SLCO5A1: variants seen among roughly 807,000 people sequenced by gnomAD.
The protein encoded by SLCO5A1 is organic anion transporter polypeptide-related protein 4.
A neutral mutation model predicts 65.1 loss-of-function variants in SLCO5A1; 39 were observed. The observed-to-expected ratio is 0.60, with a 90% confidence interval of 0.46 to 0.78. The LOEUF is 0.78. Ranked by LOEUF, SLCO5A1 falls within the 30% of genes least tolerant of loss-of-function variation. The pLI, the probability that SLCO5A1 is intolerant of heterozygous loss-of-function variation, is 0.00. For missense variants in SLCO5A1, 1,029 were observed against 1,069.4 expected (o/e 0.96, Z 0.53); for synonymous variants, 438 against 415.7 (o/e 1.05, Z -0.65).
chr8:69,722,776 GGTGTGTGTGT>G (rs56353428), intron 5 of SLCO5A1, among the ~76,000 whole-genome samples: 1 of 148,036 alleles, frequency 6.8e-6, no homozygotes, highest in Admixed American at 6.8e-5. Flanking sequence ...ACACATGCAT[GGTGTGTGTGT>G]GTGTGTGTGT....
intron 3 of SLCO5A1, 61 bp from the exon 4 acceptor site, chr8:69,755,702 T>C: frequency 6.9e-7 from 1 of 1,446,646 alleles, no homozygotes; most frequent in Non-Finnish European, 9.4e-7. Flanking sequence ...GAGAACAAAT[T>C]AGTAAAGCAG....
chr8:69,756,259 G>A (rs1451010795), intron 3 of SLCO5A1, among the ~76,000 whole-genome samples: 1 of 152,220 alleles, frequency 6.6e-6, no homozygotes, highest in South Asian at 2.1e-4. Flanking sequence ...ACAAAAATTA[G>A]CCAGGTGTGG....
rs1337053047 is a variant in SLCO5A1, at chr8:69,826,257, A to G, written c.907+5510T>C. 7.3e-3 allele frequency among the ~76,000 whole-genome samples: 1,108 copies of G among 151,946 alleles called. 16 individuals are homozygous for G. The highest frequency in any genetic ancestry group is 0.026 in the African/African-American group (1,060 of 41,498). On this transcript the variant is annotated intron_variant, in intron 2 of 9. Coordinates refer to ENST00000260126, the MANE Select transcript of SLCO5A1 (RefSeq NM_030958.3). ...TGTCTAAAACACCAAAAGCAATGGC[A>G]ACAAAAGACAAAATTGACAAATGGG...
At position 69,821,406 on chromosome 8, in the gene SLCO5A1, AAAGAAGAGGAAG is replaced by A. The variant is rs760373897; in HGVS notation, c.907+10349_907+10360del. On this transcript the variant is annotated intron_variant, in intron 2 of 9. Coordinates refer to ENST00000260126, the MANE Select transcript of SLCO5A1 (RefSeq NM_030958.3). ...AAATGAAGAAGAACAGGAAGAGGAT[AAAGAAGAGGAAG>A]AAGAAGAGGAAGAAGGAGGAGGAGG... is the stretch of plus-strand genomic sequence containing the variant. Among the ~76,000 whole-genome samples the A allele has an allele frequency of 7.2e-5, 11 of 151,734 alleles. No individual in the cohort carries two copies. The South Asian group carries it at 1.3e-3, about 17-fold the overall frequency.
intron 6 of SLCO5A1, among the ~76,000 whole-genome samples, chr8:69,699,427 A>G (rs566223640): frequency 6.6e-6 from 1 of 152,340 alleles, no homozygotes; most frequent in South Asian, 2.1e-4. Flanking sequence ...AGGAGCATCC[A>G]TCTCTTGAGG....
chr8:69,702,504 T>TACACAC (rs71257200), intron 6 of SLCO5A1, among the ~76,000 whole-genome samples: 7 of 148,896 alleles, frequency 4.7e-5, no homozygotes, highest in East Asian at 2.0e-4. Context: ...ACACACATCT[T>TACACAC]ACACACACAC....
chr8:69,715,337 A>G (rs964554513), intron 5 of SLCO5A1, among the ~76,000 whole-genome samples: 6 of 152,170 alleles, frequency 3.9e-5, no homozygotes, highest in Non-Finnish European at 7.4e-5. Context: ...GTTGGTATCA[A>G]TTTTCTGTAC....
intron 2 of SLCO5A1, among the ~76,000 whole-genome samples, chr8:69,813,197 T>TA (rs74909916): frequency 8.6e-4 from 128 of 148,038 alleles, no homozygotes; most frequent in East Asian, 1.4e-3. Context: ...GTTCTCTTTA[T>TA]AAAAAAAAAA....
chr8:69,833,038 C>T lies in SLCO5A1; in HGVS notation c.-365G>A, dbSNP rs1586850348. The T allele has an allele frequency of 1.1e-5, 3 of 281,400 alleles. No individual in the cohort carries two copies. The highest frequency in any genetic ancestry group is 1.9e-5 in the Non-Finnish European group (3 of 156,448). 17.4% of individuals were successfully genotyped at this position (281,400 alleles called of 1,614,324 possible). On this transcript the variant is annotated 5_prime_UTR_variant, in exon 2 of 10. Coordinates refer to ENST00000260126, the MANE Select transcript of SLCO5A1 (RefSeq NM_030958.3). Reference sequence around the variant, plus strand: ...CCGCCGCTGGGCCCGCGGCCAGGAGCGAGTGCACCCTGCGCCGGGGGTGGG... The same window carrying T: ...CCGCCGCTGGGCCCGCGGCCAGGAGTGAGTGCACCCTGCGCCGGGGGTGGG...
intron 2 of SLCO5A1, among the ~76,000 whole-genome samples, chr8:69,767,742 TAGTC>T (rs1818122977): frequency 6.6e-6 from 1 of 151,062 alleles, no homozygotes; most frequent in East Asian, 2.0e-4. Flanking sequence ...ATACAAAAAT[TAGTC>T]AGGCATGGCG....
chr8:69,784,811 A>AAG (rs1554620797), intron 2 of SLCO5A1, among the ~76,000 whole-genome samples: 48 of 70,946 alleles, frequency 6.8e-4, no homozygotes, highest in African/African-American at 3.3e-3. Flanking sequence ...GAAAGAAAGA[A>AAG]AAAGAAAGAA....
At chr8:69,689,180 G>A (rs2130796148) in intron 6 of SLCO5A1, among the ~76,000 whole-genome samples, 1 of 133,790 alleles carries the variant, frequency 7.5e-6, no homozygotes, top group Non-Finnish European at 1.6e-5. Flanking sequence ...CTTTTTGATG[G>A]GGTTGTTTGT....
At chr8:69,748,327 G>A (rs764336716) in intron 4 of SLCO5A1, among the ~76,000 whole-genome samples, 11 of 152,306 alleles carry the variant, frequency 7.2e-5, no homozygotes, top group Non-Finnish European at 1.6e-4. Flanking sequence ...CTAAGGAGAT[G>A]CTACTTTGAT....
intron 5 of SLCO5A1, among the ~76,000 whole-genome samples, chr8:69,733,618 A>C (rs1156952984): frequency 6.6e-6 from 1 of 152,124 alleles, no homozygotes; most frequent in Admixed American, 6.5e-5. Context: ...GTGGGAGGTG[A>C]TGTGATCGTG....
At chr8:69,765,919 T>C (rs1420070874) in intron 2 of SLCO5A1, among the ~76,000 whole-genome samples, 3 of 152,192 alleles carry the variant, frequency 2.0e-5, no homozygotes, top group Non-Finnish European at 4.4e-5. Flanking sequence ...TCAGAATCCC[T>C]GTAGACTCTT....
At chr8:69,763,710 T>A (rs554537297) in intron 2 of SLCO5A1, among the ~76,000 whole-genome samples, 1 of 150,600 alleles carries the variant, frequency 6.6e-6, no homozygotes, top group Non-Finnish European at 1.5e-5. Flanking sequence ...TATTTTTCAA[T>A]TTTCACTTTT....
intron 4 of SLCO5A1, among the ~76,000 whole-genome samples, chr8:69,751,931 ATAAAG>A (rs766397288): frequency 3.6e-4 from 55 of 152,272 alleles, no homozygotes; most frequent in African/African-American, 8.2e-4. Flanking sequence ...AATTTCAAAT[ATAAAG>A]TAAAGACCAA....
intron 2 of SLCO5A1, among the ~76,000 whole-genome samples, chr8:69,763,361 T>A (rs2130865829): frequency 6.6e-6 from 1 of 150,592 alleles, no homozygotes; most frequent in Non-Finnish European, 1.5e-5. Flanking sequence ...ATGCCTATAA[T>A]CCCAGAACTT....
chr8:69,783,242 C>T (rs1818876009), intron 2 of SLCO5A1, among the ~76,000 whole-genome samples: 1 of 151,968 alleles, frequency 6.6e-6, no homozygotes, highest in African/African-American at 2.4e-5. Flanking sequence ...ATGAATAAGA[C>T]CTACTATTTG....
Sources: allele counts gnomAD v4.1 joint callset (sites outside exome capture counted in the v4.1 genomes callset), GRCh38; gene constraint gnomAD v4.1.1; transcripts MANE v1.5; gene names NCBI Gene and HGNC (gene_info 2026-07-23, HGNC 2026-07-21).